C1orf146: variants seen among roughly 807,000 people sequenced by gnomAD.
C1orf146 encodes chromosome 1 open reading frame 146, also known as protein SPO16 homolog.
Under a neutral mutation model 23.0 loss-of-function variants are expected in C1orf146, and 22 were observed. That is an observed-to-expected ratio of 0.96 (90% confidence interval 0.68 to 1.36). The LOEUF (loss-of-function observed/expected upper bound fraction) is 1.36. Among genes scored for constraint, C1orf146 ranks in the 40% most tolerant of loss-of-function variants. The pLI is 0.00. For synonymous variants in C1orf146, 59 were observed against 65.3 expected (o/e 0.90, Z 0.47); for missense variants, 199 against 206.8 (o/e 0.96, Z 0.23).
chr1:92,244,131 T>TTA, intron 3 of C1orf146, 86 bp from the exon 4 acceptor site: 1 of 573,256 alleles, frequency 1.7e-6, no homozygotes, highest in Non-Finnish European at 2.8e-6. Context: ...TGTGGTATAC[T>TTA]TAGTTATTTT....
chr1:92,231,671 C>T (rs533072444), intron 2 of C1orf146, among the ~76,000 whole-genome samples, 185 bp downstream of exon 2: 1 of 151,294 alleles, frequency 6.6e-6, no homozygotes, highest in East Asian at 1.9e-4. Flanking sequence ...TTTCAACATC[C>T]GACTTCCTTA....
chr1:92,219,502 T>TTC (rs964561085), intron 1 of C1orf146, among the ~76,000 whole-genome samples: 1 of 128,540 alleles, frequency 7.8e-6, no homozygotes, highest in Non-Finnish European at 1.6e-5. Context: ...CTTTCTTTTT[T>TTC]TTTTTTTTTT....
At chr1:92,241,853 G>A (rs1420536988) in intron 2 of C1orf146, among the ~76,000 whole-genome samples, 1 of 152,124 alleles carries the variant, frequency 6.6e-6, no homozygotes, top group Non-Finnish European at 1.5e-5. Context: ...ATGAACTCAG[G>A]AGTCTAAAGT....
chr1:92,236,561 T>G (rs1321751033), intron 2 of C1orf146, among the ~76,000 whole-genome samples: 1 of 152,136 alleles, frequency 6.6e-6, no homozygotes, highest in African/African-American at 2.4e-5. Context: ...TTATTTCAAC[T>G]TTGGTGAATC....
chr1:92,228,660 C>A (rs1024611077), intron 1 of C1orf146, among the ~76,000 whole-genome samples: 1 of 152,162 alleles, frequency 6.6e-6, no homozygotes, highest in African/African-American at 2.4e-5. Flanking sequence ...CTGCACAGAT[C>A]GGAGACTGCT....
chr1:92,238,956 AC>A (rs1443237031), intron 2 of C1orf146, among the ~76,000 whole-genome samples: 1 of 152,024 alleles, frequency 6.6e-6, no homozygotes, highest in Non-Finnish European at 1.5e-5. Context: ...TTAGGGTCTC[AC>A]TATGTTGCCC....
intron 3 of C1orf146, among the ~76,000 whole-genome samples, chr1:92,243,934 T>G (rs1370487647): frequency 6.6e-6 from 1 of 151,972 alleles, no homozygotes; most frequent in East Asian, 1.9e-4. Context: ...AGTATCTTCA[T>G]GTGGACAATG....
At chr1:92,231,244 CAGAT>C (rs1652112604) in intron 1 of C1orf146, 134 bp from the exon 2 acceptor site, 1 of 540,392 alleles carries the variant, frequency 1.9e-6, no homozygotes, top group African/African-American at 2.0e-5. Flanking sequence ...TATAACAAGA[CAGAT>C]ACTTTTTCTG....
intron 1 of C1orf146, among the ~76,000 whole-genome samples, chr1:92,222,064 C>T (rs1230084772): frequency 6.6e-6 from 1 of 151,944 alleles, no homozygotes; most frequent in Admixed American, 6.6e-5. Flanking sequence ...GTGGCGAAAC[C>T]CCATCTTAAC....
chr1:92,227,967 AT>A (rs1338355774), intron 1 of C1orf146, among the ~76,000 whole-genome samples: 1 of 151,560 alleles, frequency 6.6e-6, no homozygotes, highest in Non-Finnish European at 1.5e-5. Flanking sequence ...CTCTATTTTT[AT>A]GTATTGGTCC....
At chr1:92,227,527 A>C (rs1329939864) in intron 1 of C1orf146, among the ~76,000 whole-genome samples, 1 of 152,198 alleles carries the variant, frequency 6.6e-6, no homozygotes, top group Non-Finnish European at 1.5e-5. Flanking sequence ...TGACAGAGCG[A>C]GACTCCATCT....
rs1168010440 is a variant in C1orf146, at chr1:92,245,723, GTTAAA to G, written c.*53_*57del. The G allele has an allele frequency of 2.5e-6, 3 of 1,193,634 alleles. No individual in the cohort carries two copies. The highest frequency in any genetic ancestry group is 3.5e-6 in the Non-Finnish European group (3 of 855,820). 73.9% of individuals were successfully genotyped at this position (1,193,634 alleles called of 1,614,324 possible). A position where few individuals can be genotyped will look rare whatever the true frequency, so the allele number is the denominator to read the frequency against. On this transcript the variant is annotated 3_prime_UTR_variant, in exon 6 of 6. Coordinates refer to ENST00000370375, the MANE Select transcript of C1orf146 (RefSeq NM_001012425.2). Reference sequence around the variant, plus strand: ...GAAGAATGTGAAAATAATTAGACCTGTTAAATTATAATATTCAAATATCTATTTAA... The same window carrying G: ...GAAGAATGTGAAAATAATTAGACCTGTTATAATATTCAAATATCTATTTAA...
chr1:92,232,940 A>G (rs980747195), intron 2 of C1orf146, among the ~76,000 whole-genome samples: 3 of 151,972 alleles, frequency 2.0e-5, no homozygotes, highest in Non-Finnish European at 4.4e-5. Context: ...TCCTTCACCC[A>G]CTTTTTGATG....
chr1:92,227,833 AG>A (rs1652006174), intron 1 of C1orf146, among the ~76,000 whole-genome samples: 2 of 151,794 alleles, frequency 1.3e-5, no homozygotes, highest in Admixed American at 1.3e-4. Context: ...GCTCCTTTGA[AG>A]ATTTTTTTTT....
chr1:92,226,848 C>A (rs1651981375), intron 1 of C1orf146, among the ~76,000 whole-genome samples: 1 of 152,100 alleles, frequency 6.6e-6, no homozygotes. Flanking sequence ...CTCTCTCTAG[C>A]CTGCTTTTGG....
intron 5 of C1orf146, 105 bp from the exon 6 acceptor site, chr1:92,245,435 A>C (rs1383808142): frequency 1.1e-5 from 9 of 851,184 alleles, no homozygotes; most frequent in Non-Finnish European, 1.7e-5. Context: ...CACAAAGATG[A>C]TCAAGAGATT....
At chr1:92,245,353 T>C (rs1016303070) in intron 5 of C1orf146, among the ~76,000 whole-genome samples, 187 bp from the exon 6 acceptor site, 2 of 152,204 alleles carry the variant, frequency 1.3e-5, no homozygotes, top group African/African-American at 4.8e-5. Context: ...TTGGCTTGCA[T>C]GTTTAAAATT....
chr1:92,231,434 G>A lies in C1orf146; in HGVS notation c.14G>A (p.Gly5Glu). 6.2e-7 allele frequency: 1 copy of A among 1,609,700 alleles called. No homozygotes were observed. Among genetic ancestry groups the A allele is most frequent in the Non-Finnish European group, 8.5e-7 (1 of 1,178,258 alleles). Residue 5 changes from glycine (G) to glutamate (E), a missense_variant, in exon 2 of 6, where the codon GGA becomes GAA. By Grantham distance (98) the Gly-to-Glu change is moderately conservative. Transcript: ENST00000370375. ...ATCCACAGACAGATGGCTGAAAGTG[G>A]AAAAGAAAAAATAAAATGGACAACC... is the stretch of plus-strand genomic sequence containing the variant. MAES[G>E]KEKIKWTTTI...
chr1:92,234,836 T>C (rs1328494883), intron 2 of C1orf146, among the ~76,000 whole-genome samples: 6 of 152,234 alleles, frequency 3.9e-5, no homozygotes, highest in Admixed American at 6.5e-5. Flanking sequence ...TGGTTTAGTC[T>C]TGGGAGAGTG....
Sources: allele counts gnomAD v4.1 joint callset (sites outside exome capture counted in the v4.1 genomes callset), GRCh38; gene constraint gnomAD v4.1.1; transcripts MANE v1.5; gene names NCBI Gene and HGNC (gene_info 2026-07-23, HGNC 2026-07-21).